EDIL3: variants seen among roughly 807,000 people sequenced by gnomAD.
The protein encoded by EDIL3 is EGF-like repeat and discoidin I-like domain-containing protein 3.
In EDIL3, 37 loss-of-function variants were observed where a neutral mutation model predicts 67.4. The ratio of observed to expected loss-of-function variants is 0.55; its 90% CI spans 0.42 to 0.72. The LOEUF is 0.72. EDIL3 is among the 30% of genes least tolerant of loss of function. The pLI is 0.00. For missense variants in EDIL3, 527 were observed against 586.3 expected, an observed-to-expected ratio of 0.90 and a Z score of 1.04; for synonymous variants, 195 against 196.3, an observed-to-expected ratio of 0.99 and a Z score of 0.05.
intron 9 of EDIL3, among the ~76,000 whole-genome samples, chr5:83,978,633 A>G (rs1241324392): frequency 6.6e-6 from 1 of 152,020 alleles, no homozygotes; most frequent in Non-Finnish European, 1.5e-5. Flanking sequence ...TTAAACAGTG[A>G]TACTGTTATA....
intron 1 of EDIL3, among the ~76,000 whole-genome samples, chr5:84,321,554 T>C (rs1177178289): frequency 6.6e-6 from 1 of 152,156 alleles, no homozygotes. Context: ...ATTTCAGCTC[T>C]TAGCACAATA....
chr5:84,288,023 T>C (rs2112114831), intron 1 of EDIL3, among the ~76,000 whole-genome samples: 1 of 152,306 alleles, frequency 6.6e-6, no homozygotes, highest in Middle Eastern at 3.4e-3. Context: ...ACCCCAGATT[T>C]ATACTCACGA....
intron 2 of EDIL3, among the ~76,000 whole-genome samples, chr5:84,248,723 G>C (rs1023088501): frequency 1.3e-5 from 2 of 152,062 alleles, no homozygotes; most frequent in African/African-American, 4.8e-5. Flanking sequence ...CAGTTGCTCA[G>C]GCCAGAAACT....
At chr5:84,141,947 A>AT (rs1561443840) in intron 4 of EDIL3, among the ~76,000 whole-genome samples, 1 of 48,784 alleles carries the variant, frequency 2.0e-5, no homozygotes, top group African/African-American at 7.1e-5. Context: ...ATATATATAT[A>AT]CATAGATCTA....
chr5:84,266,267 T>G (rs577384016), intron 1 of EDIL3, among the ~76,000 whole-genome samples: 1 of 152,334 alleles, frequency 6.6e-6, no homozygotes, highest in East Asian at 1.9e-4. Context: ...ATTCAGTCTC[T>G]GTATCCCTCC....
At chr5:84,180,645 T>C in intron 3 of EDIL3, 124 bp from the exon 4 acceptor site, 2 of 1,125,094 alleles carry the variant, frequency 1.8e-6, no homozygotes, top group Non-Finnish European at 2.4e-6. Flanking sequence ...ATAGTAAATG[T>C]ACTGGTTGTA....
intron 1 of EDIL3, among the ~76,000 whole-genome samples, chr5:84,281,720 C>T (rs956498966): frequency 3.3e-5 from 5 of 152,086 alleles, no homozygotes; most frequent in African/African-American, 9.7e-5. Flanking sequence ...TAAACTATAA[C>T]CCCAGGCAGT....
intron 3 of EDIL3, among the ~76,000 whole-genome samples, chr5:84,203,601 T>A (rs1194700063): frequency 2.6e-5 from 4 of 152,162 alleles, no homozygotes; most frequent in Admixed American, 6.5e-5. Flanking sequence ...AAATCCTGAA[T>A]TAGAATCAGC....
At chr5:84,162,894 T>C (rs1748640294) in intron 4 of EDIL3, among the ~76,000 whole-genome samples, 1 of 152,144 alleles carries the variant, frequency 6.6e-6, no homozygotes, top group Non-Finnish European at 1.5e-5. Context: ...GCAGTCCATA[T>C]GTAACTGATT....
intron 9 of EDIL3, among the ~76,000 whole-genome samples, chr5:83,978,268 T>G (rs1195419271): frequency 6.6e-6 from 1 of 151,918 alleles, no homozygotes; most frequent in Non-Finnish European, 1.5e-5. Flanking sequence ...GACAAATGTT[T>G]TTATGGTATT....
At chr5:84,184,201 T>C (rs954831876) in intron 3 of EDIL3, among the ~76,000 whole-genome samples, 1 of 152,028 alleles carries the variant, frequency 6.6e-6, no homozygotes, top group African/African-American at 2.4e-5. Context: ...ATGGGGCAAA[T>C]AGGAACCTGG....
intron 9 of EDIL3, among the ~76,000 whole-genome samples, chr5:84,038,821 A>G (rs1746069292): frequency 6.6e-6 from 1 of 152,228 alleles, no homozygotes. Context: ...ACAGAGCCAC[A>G]TGATTTTGGA....
chr5:84,244,843 G>A (rs1744875013), intron 2 of EDIL3, among the ~76,000 whole-genome samples: 3 of 152,162 alleles, frequency 2.0e-5, no homozygotes, highest in African/African-American at 7.2e-5. Context: ...ATCACTGCAT[G>A]AGCTCCGCCT....
rs545845141 is a variant in EDIL3, at chr5:84,338,305, G to A, written c.67+46003C>T. ...TAGAATGCAAACAGGTGTGATATGA[G>A]CAGGGATCTTAAAATGCGCTTATGC... On this transcript the variant is annotated intron_variant, in intron 1 of 10. Coordinates refer to ENST00000296591, the MANE Select transcript of EDIL3 (RefSeq NM_005711.5). Among the ~76,000 whole-genome samples the A allele has an allele frequency of 1.3e-4, 20 of 152,248 alleles. No individual in the cohort carries two copies. In the South Asian group the frequency reaches 3.1e-3, roughly 24 times the overall value.
intron 1 of EDIL3, among the ~76,000 whole-genome samples, chr5:84,350,230 C>A (rs976476837): frequency 6.6e-6 from 1 of 152,020 alleles, no homozygotes; most frequent in Non-Finnish European, 1.5e-5. Flanking sequence ...ATATCTGAAC[C>A]AATTTACAAT....
At chr5:83,950,329 GGGTGGGTTTAGGGAAT>G (rs1744395666) in intron 10 of EDIL3, among the ~76,000 whole-genome samples, 1 of 151,846 alleles carries the variant, frequency 6.6e-6, no homozygotes, top group African/African-American at 2.4e-5. Context: ...TCAAAAGTGA[GGGTGGGTTTAGGGAAT>G]CCTGAATTTG....
intron 3 of EDIL3, among the ~76,000 whole-genome samples, chr5:84,218,850 G>A (rs1580382988): frequency 6.6e-6 from 1 of 152,182 alleles, no homozygotes; most frequent in South Asian, 2.1e-4. Flanking sequence ...GGAGGAAAGG[G>A]TGGGAAGGAC....
At chr5:84,168,207 T>A (rs1049380096) in intron 4 of EDIL3, among the ~76,000 whole-genome samples, 3 of 152,160 alleles carry the variant, frequency 2.0e-5, no homozygotes, top group African/African-American at 4.8e-5. Flanking sequence ...ATGTAAATGA[T>A]GTTCTATTTT....
At chr5:84,121,388 C>T (rs976783272) in intron 5 of EDIL3, among the ~76,000 whole-genome samples, 2 of 151,932 alleles carry the variant, frequency 1.3e-5, no homozygotes, top group Non-Finnish European at 1.5e-5. Flanking sequence ...TTTGTCCTCT[C>T]TTTTCTCATC....
Sources: allele counts gnomAD v4.1 joint callset (sites outside exome capture counted in the v4.1 genomes callset), GRCh38; gene constraint gnomAD v4.1.1; transcripts MANE v1.5; gene names NCBI Gene and HGNC (gene_info 2026-07-23, HGNC 2026-07-21).